The following RAB28 variants were observed in gnomAD, a reference collection of about 807,000 sequenced individuals.
RAB28 encodes RAB28, member RAS oncogene family.
RAB28 carries 24 observed loss-of-function variants against 31.7 expected under a neutral mutation model. That is an observed-to-expected ratio of 0.76 (90% CI 0.55 to 1.06). RAB28 has a LOEUF of 1.06. Ranked by LOEUF, RAB28 falls within the 50% of genes least tolerant of loss-of-function variation. The pLI, the probability that RAB28 is intolerant of heterozygous loss-of-function variation, is 0.00. For missense variants in RAB28, 254 were observed against 258.5 expected (o/e 0.98, Z 0.12); for synonymous variants, 100 against 90.4 (o/e 1.11, Z -0.60).
chr4:13,440,859 A>AG (rs752908557), intron 4 of RAB28, among the ~76,000 whole-genome samples: 72 of 152,228 alleles, frequency 4.7e-4, no homozygotes, highest in Non-Finnish European at 9.4e-4. Flanking sequence ...ACACATGCAC[A>AG]GAAAAAAAAA....
At chr4:13,369,259 A>G in intron 6 of RAB28, among the ~76,000 whole-genome samples, 1 of 152,242 alleles carries the variant, frequency 6.6e-6, no homozygotes, top group East Asian at 1.9e-4. Flanking sequence ...ATACAACTCT[A>G]ACAAAAAAGA....
At chr4:13,458,077 T>C (rs921791204) in intron 4 of RAB28, among the ~76,000 whole-genome samples, 4 of 152,126 alleles carry the variant, frequency 2.6e-5, no homozygotes, top group African/African-American at 9.7e-5. Flanking sequence ...AAAGGGGGAT[T>C]TTCAATGAAC....
At chr4:13,373,677 A>G (rs1030994155) in intron 6 of RAB28, among the ~76,000 whole-genome samples, 4 of 152,190 alleles carry the variant, frequency 2.6e-5, no homozygotes, top group African/African-American at 9.6e-5. Context: ...ACTCCCAAAT[A>G]GGAGCAATCT....
chr4:13,413,362 A>G (rs1488998327), intron 4 of RAB28, among the ~76,000 whole-genome samples: 1 of 152,234 alleles, frequency 6.6e-6, no homozygotes, highest in Non-Finnish European at 1.5e-5. Context: ...AGACTTCTGA[A>G]GGAAATAAAG....
chr4:13,427,858 C>T (rs1157706377), intron 4 of RAB28, among the ~76,000 whole-genome samples: 5 of 152,148 alleles, frequency 3.3e-5, no homozygotes, highest in South Asian at 2.1e-4. Context: ...GGACAAGCCG[C>T]GACAAAACCC....
chr4:13,393,657 T>G lies in RAB28; in HGVS notation c.392-12063A>C, dbSNP rs145762825. Among the ~76,000 whole-genome samples the G allele has an allele frequency of 5.6e-3, 846 of 152,144 alleles. 6 individuals carry two copies. Among genetic ancestry groups the G allele is most frequent in the African/African-American group, 0.019 (803 of 41,498 alleles). ...AAATGTTACCCTCCTATAGGTTTTC[T>G]GATTATGACATTTTCTTCGGTTTAC... On this transcript the variant is annotated intron_variant, in intron 4 of 6. Transcript: ENST00000330852.
intron 5 of RAB28, among the ~76,000 whole-genome samples, chr4:13,380,546 T>C (rs141907859): frequency 1.3e-5 from 2 of 151,684 alleles, no homozygotes; most frequent in Non-Finnish European, 3.0e-5. Flanking sequence ...ATCAAAGAAA[T>C]TCAAATTTAA....
chr4:13,454,619 T>C (rs916786461), intron 4 of RAB28, among the ~76,000 whole-genome samples: 2 of 152,156 alleles, frequency 1.3e-5, no homozygotes, highest in Admixed American at 6.5e-5. Flanking sequence ...CATTTATGAG[T>C]AGCTCGGTGG....
chr4:13,367,949 T>G lies in RAB28; in HGVS notation c.*609A>C. On this transcript the variant is annotated 3_prime_UTR_variant, in exon 7 of 7. Transcript: ENST00000330852. Reference sequence around the variant, plus strand: ...GTAATAAAAATACAATATCAAATATTACTTTGTGAGTTACAAACTACAATA... The same window carrying G: ...GTAATAAAAATACAATATCAAATATGACTTTGTGAGTTACAAACTACAATA... The G allele has an allele frequency of 1.0e-6, 1 of 976,712 alleles. No homozygotes were observed. Among genetic ancestry groups the G allele is most frequent in the Non-Finnish European group, 1.2e-6 (1 of 822,024 alleles). 60.5% of individuals were successfully genotyped at this position (976,712 alleles called of 1,614,324 possible).
rs1716505339 is a variant in RAB28, at chr4:13,479,378, ATTG to A, written c.172+49_172+51del. ...TACACATTTCTTTCTTATGCCACTTATTGTTAAGATTTTTTTATAATCTTCTAC... is the reference window on the plus strand; with the variant it reads ...TACACATTTCTTTCTTATGCCACTTATTAAGATTTTTTTATAATCTTCTAC... On this transcript the variant is annotated intron_variant, in intron 2 of 6. Transcript: ENST00000330852. The A allele has an allele frequency of 2.2e-6, 3 of 1,344,990 alleles. No homozygotes were observed. The South Asian group carries it at 3.8e-5, about 17-fold the overall frequency. 83.3% of individuals were successfully genotyped at this position (1,344,990 alleles called of 1,614,324 possible).
chr4:13,409,610 C>T (rs1712307082), intron 4 of RAB28, among the ~76,000 whole-genome samples: 1 of 152,172 alleles, frequency 6.6e-6, no homozygotes, highest in African/African-American at 2.4e-5. Flanking sequence ...TTTCTCACAT[C>T]TATAAGGTCA....
Position 13,373,924 on chromosome 4 carries a change from T to A in RAB28, c.573+2621A>T, listed in dbSNP as rs187909683. On this transcript the variant is annotated intron_variant, in intron 6 of 6. Coordinates refer to ENST00000330852, the MANE Select transcript of RAB28 (RefSeq NM_001017979.3). ...AATGTCGCAACAACCACATGCAGTG[T>A]GTATGTGTGTGTATATATATGTATG... 9.4e-3 allele frequency among the ~76,000 whole-genome samples: 1,427 copies of A among 152,058 alleles called. 10 individuals carry two copies. The highest frequency in any genetic ancestry group is 0.02 in the Middle Eastern group (6 of 294).
At chr4:13,390,576 C>T (rs1729582507) in intron 4 of RAB28, among the ~76,000 whole-genome samples, 1 of 149,232 alleles carries the variant, frequency 6.7e-6, no homozygotes, top group Non-Finnish European at 1.5e-5. Flanking sequence ...CTTTAAAGTT[C>T]ACATGGAATC....
At chr4:13,377,431 C>A (rs1262514791) in intron 5 of RAB28, among the ~76,000 whole-genome samples, 1 of 152,170 alleles carries the variant, frequency 6.6e-6, no homozygotes, top group Non-Finnish European at 1.5e-5. Flanking sequence ...TTCCTGATAG[C>A]CTTATGCCAC....
intron 4 of RAB28, among the ~76,000 whole-genome samples, chr4:13,442,597 G>C (rs1430243113): frequency 6.6e-6 from 1 of 151,250 alleles, no homozygotes; most frequent in Non-Finnish European, 1.5e-5. Context: ...CATAATATTT[G>C]TCAAGTTTTT....
chr4:13,388,986 G>T (rs1577163675), intron 4 of RAB28, among the ~76,000 whole-genome samples: 1 of 152,040 alleles, frequency 6.6e-6, no homozygotes, highest in Non-Finnish European at 1.5e-5. Context: ...GTCTTGAAGA[G>T]ATATTTGCTA....
chr4:13,407,297 C>G (rs1467641683), intron 4 of RAB28, among the ~76,000 whole-genome samples: 1 of 152,058 alleles, frequency 6.6e-6, no homozygotes, highest in Admixed American at 6.6e-5. Context: ...TGTCAGGTTT[C>G]TCAAAGATCA....
At chr4:13,390,574 T>A (rs1729582402) in intron 4 of RAB28, among the ~76,000 whole-genome samples, 1 of 150,750 alleles carries the variant, frequency 6.6e-6, no homozygotes, top group Non-Finnish European at 1.5e-5. Context: ...TACTTTAAAG[T>A]TCACATGGAA....
At chr4:13,433,530 G>C (rs551006453) in intron 4 of RAB28, among the ~76,000 whole-genome samples, 85 of 152,132 alleles carry the variant, frequency 5.6e-4, no homozygotes, top group African/African-American at 1.9e-3. Flanking sequence ...TCAAAAGACA[G>C]ACAAGTAGCC....
Sources: gnomAD v4.1 joint callset for allele counts (sites outside exome capture counted in the v4.1 genomes callset) on GRCh38, gnomAD v4.1.1 for gene constraint, MANE v1.5 for transcripts, NCBI Gene and HGNC (gene_info 2026-07-23, HGNC 2026-07-21) for gene names.